The following GRM8 variants were observed in gnomAD, a reference collection of about 807,000 sequenced individuals.
GRM8 encodes the protein glutamate metabotropic receptor 8.
In GRM8, 47 loss-of-function variants were observed where a neutral mutation model predicts 87.2. That is an observed-to-expected ratio of 0.54 (90% CI 0.43 to 0.69). GRM8 has a LOEUF of 0.69. Ranked by LOEUF, GRM8 falls within the 30% of genes least tolerant of loss-of-function variation. The probability of loss-of-function intolerance (pLI) is 0.00; values close to 1 mark genes in which losing one functional copy is unlikely to be tolerated. For missense variants in GRM8, 1,019 were observed against 1,139.2 expected, an observed-to-expected ratio of 0.89 and a Z score of 1.52; for synonymous variants, 396 against 404.5, an observed-to-expected ratio of 0.98 and a Z score of 0.25.
intron 3 of GRM8, among the ~76,000 whole-genome samples, chr7:126,908,257 T>G (rs1263154366): frequency 6.6e-6 from 1 of 152,010 alleles, no homozygotes; most frequent in Non-Finnish European, 1.5e-5. Flanking sequence ...ATTATAGAAC[T>G]CTGAAAAAAA....
At chr7:126,456,202 C>T (rs1038330449) in intron 9 of GRM8, among the ~76,000 whole-genome samples, 3 of 151,212 alleles carry the variant, frequency 2.0e-5, no homozygotes, top group Non-Finnish European at 4.4e-5. Context: ...CAGAGGAGAA[C>T]CAAGGTAGCC....
intron 7 of GRM8, among the ~76,000 whole-genome samples, chr7:126,722,298 C>A (rs1194545821): frequency 2.6e-5 from 4 of 152,092 alleles, no homozygotes; most frequent in African/African-American, 9.7e-5. Flanking sequence ...AGTGAGTTAG[C>A]CTAGATTCTA....
chr7:126,575,050 T>C (rs768496291), intron 8 of GRM8, among the ~76,000 whole-genome samples: 1 of 152,062 alleles, frequency 6.6e-6, no homozygotes, highest in Non-Finnish European at 1.5e-5. Context: ...ACTATAAGGG[T>C]AGACAACAGA....
intron 9 of GRM8, among the ~76,000 whole-genome samples, chr7:126,507,790 A>G (rs1393707294): frequency 2.2e-4 from 34 of 151,994 alleles, no homozygotes; most frequent in Non-Finnish European, 4.3e-4. Flanking sequence ...ATTCTTTTAG[A>G]GCAACTTGGC....
chr7:126,584,661 T>A (rs1332409356), intron 8 of GRM8, among the ~76,000 whole-genome samples: 1 of 152,194 alleles, frequency 6.6e-6, no homozygotes, highest in African/African-American at 2.4e-5. Context: ...TTTACAAACA[T>A]AGAACTTAAC....
chr7:127,184,104 A>G (rs1337133217), intron 2 of GRM8, among the ~76,000 whole-genome samples: 1 of 151,844 alleles, frequency 6.6e-6, no homozygotes, highest in African/African-American at 2.4e-5. Context: ...AAAATGATAC[A>G]ATTTCCACTA....
intron 6 of GRM8, among the ~76,000 whole-genome samples, chr7:126,896,205 C>G (rs1033091760): frequency 1.3e-5 from 2 of 150,638 alleles, no homozygotes; most frequent in African/African-American, 4.9e-5. Flanking sequence ...AAATCAATGC[C>G]TGTTTTGTCA....
At chr7:126,616,743 A>G (rs942964926) in intron 7 of GRM8, among the ~76,000 whole-genome samples, 5 of 151,950 alleles carry the variant, frequency 3.3e-5, no homozygotes, top group Non-Finnish European at 7.3e-5. Context: ...GAATACTATA[A>G]ACACCACTGC....
At chr7:126,482,610 A>G (rs1806824036) in intron 9 of GRM8, among the ~76,000 whole-genome samples, 1 of 152,018 alleles carries the variant, frequency 6.6e-6, no homozygotes, top group South Asian at 2.1e-4. Flanking sequence ...CACAGACACA[A>G]AGCAGAATGG....
At chr7:126,911,842 T>C (rs540122327) in intron 3 of GRM8, among the ~76,000 whole-genome samples, 16 of 152,320 alleles carry the variant, frequency 1.1e-4, no homozygotes, top group African/African-American at 3.8e-4. Flanking sequence ...ATTTTATGTA[T>C]CAGTTTGACT....
chr7:127,088,540 G>A (rs1415517390), intron 3 of GRM8, among the ~76,000 whole-genome samples: 2 of 152,196 alleles, frequency 1.3e-5, no homozygotes, highest in Non-Finnish European at 2.9e-5. Flanking sequence ...TTTGGCTACT[G>A]TAACTGAATT....
At chr7:126,770,153 A>G (rs1818684556) in intron 6 of GRM8, 88 bp from the exon 7 acceptor site, 3 of 827,622 alleles carry the variant, frequency 3.6e-6, no homozygotes, top group South Asian at 3.2e-5. Flanking sequence ...CATTTGAGGA[A>G]CACTTAATGA....
intron 7 of GRM8, among the ~76,000 whole-genome samples, chr7:126,690,592 C>T (rs1808697858): frequency 6.6e-6 from 1 of 152,168 alleles, no homozygotes; most frequent in South Asian, 2.1e-4. Flanking sequence ...TTCTAGTAGA[C>T]CACAACATGG....
chr7:126,659,486 A>G (rs994003966), intron 7 of GRM8, among the ~76,000 whole-genome samples: 3 of 152,236 alleles, frequency 2.0e-5, no homozygotes, highest in African/African-American at 7.2e-5. Context: ...ACAGAAGTGA[A>G]AGATTTTTTA....
chr7:126,922,445 C>T (rs1317422449), intron 3 of GRM8, among the ~76,000 whole-genome samples: 2 of 151,840 alleles, frequency 1.3e-5, no homozygotes, highest in Non-Finnish European at 2.9e-5. Context: ...GAAATAGCAA[C>T]ATGAAAATGT....
At chr7:126,560,241 C>G (rs980917685) in intron 8 of GRM8, among the ~76,000 whole-genome samples, 9 of 152,080 alleles carry the variant, frequency 5.9e-5, no homozygotes, top group Non-Finnish European at 1.2e-4. Context: ...AACCGGAAGT[C>G]AGGTTAGCAG....
At position 127,053,798 on chromosome 7, in the gene GRM8, A is replaced by AAGG. The variant is rs1554580043; in HGVS notation, c.727+52697_727+52698insCCT. 1.2e-3 allele frequency among the ~76,000 whole-genome samples: 129 copies of AAGG among 104,414 alleles called. 3 individuals are homozygous for AAGG. Among genetic ancestry groups the AAGG allele is most frequent in the East Asian group, 7.8e-3 (26 of 3,322 alleles). The allele number at this position is 104,414 out of a possible 152,430, so 68.5% of individuals were successfully genotyped here. On this transcript the variant is annotated intron_variant, in intron 3 of 10. Coordinates refer to ENST00000339582, the MANE Select transcript of GRM8 (RefSeq NM_000845.3). The stretch of plus-strand genomic sequence containing the variant: ...GCGAGACTCTGTCTCAAAAAAAAAA[A>AAGG]GGGGGGGGGGAATATACATTTCATC...
intron 6 of GRM8, among the ~76,000 whole-genome samples, chr7:126,885,011 C>G (rs1427151638): frequency 2.0e-5 from 3 of 152,300 alleles, no homozygotes; most frequent in East Asian, 3.9e-4. Flanking sequence ...TCCCTCTGTA[C>G]ATCCCAAAGT....
At chr7:126,586,070 T>C (rs1796093750) in intron 8 of GRM8, among the ~76,000 whole-genome samples, 1 of 151,962 alleles carries the variant, frequency 6.6e-6, no homozygotes, top group African/African-American at 2.4e-5. Flanking sequence ...ATGAATGGAC[T>C]CCCATTCACA....
Sources: allele counts gnomAD v4.1 joint callset (sites outside exome capture counted in the v4.1 genomes callset), GRCh38; gene constraint gnomAD v4.1.1; transcripts MANE v1.5; gene names NCBI Gene and HGNC (gene_info 2026-07-23, HGNC 2026-07-21).